CCDC178: variants seen among roughly 807,000 people sequenced by gnomAD.
CCDC178 encodes coiled-coil domain-containing protein 178.
Under a neutral mutation model 117.4 loss-of-function variants are expected in CCDC178, and 126 were observed. The observed-to-expected ratio is 1.07, with a 90% CI of 0.93 to 1.24. The LOEUF (loss-of-function observed/expected upper bound fraction) is 1.24. CCDC178 is among the 50% of genes most tolerant of loss of function. CCDC178 has a pLI of 0.00. For synonymous variants in CCDC178, 283 were observed against 313.4 expected (o/e 0.90, Z 1.02); for missense variants, 1,030 against 986.9 (o/e 1.04, Z -0.59).
At chr18:33,174,945 C>T (rs2058646113) in intron 20 of CCDC178, among the ~76,000 whole-genome samples, 1 of 152,126 alleles carries the variant, frequency 6.6e-6, no homozygotes, top group African/African-American at 2.4e-5. Flanking sequence ...ACCTCTGCCT[C>T]CCAGGTTCAA....
chr18:32,998,344 C>T (rs1047871985), intron 21 of CCDC178, among the ~76,000 whole-genome samples: 5 of 152,108 alleles, frequency 3.3e-5, no homozygotes, highest in African/African-American at 7.2e-5. Context: ...CAGCAAGCCT[C>T]GCCACTGTGG....
chr18:32,948,306 A>C (rs1463097388), intron 22 of CCDC178, among the ~76,000 whole-genome samples: 2 of 152,104 alleles, frequency 1.3e-5, no homozygotes, highest in Non-Finnish European at 2.9e-5. Flanking sequence ...GCACTTTAAC[A>C]ATATTGAGTC....
chr18:32,954,076 C>T (rs550014088), intron 22 of CCDC178: 3 of 152,220 alleles, frequency 2.0e-5, no homozygotes, highest in South Asian at 2.1e-4. Flanking sequence ...TAAAAATGCA[C>T]TGACTCTTGG....
chr18:33,177,097 A>G (rs1214950038), intron 20 of CCDC178, among the ~76,000 whole-genome samples: 3 of 152,154 alleles, frequency 2.0e-5, no homozygotes, highest in African/African-American at 7.2e-5. Flanking sequence ...CAGCAAACCA[A>G]CACAGGAACA....
intron 20 of CCDC178, among the ~76,000 whole-genome samples, chr18:33,168,457 A>G (rs1223959030): frequency 2.0e-5 from 3 of 152,164 alleles, no homozygotes; most frequent in African/African-American, 7.2e-5. Context: ...CTGTCTTTGT[A>G]GCAGTAGAGA....
At chr18:33,033,162 A>G (rs932933732) in intron 21 of CCDC178, among the ~76,000 whole-genome samples, 4 of 152,094 alleles carry the variant, frequency 2.6e-5, no homozygotes, top group African/African-American at 9.7e-5. Context: ...AAATAAAAGA[A>G]TTGTATCACT....
At chr18:33,357,121 C>G in intron 6 of CCDC178, among the ~76,000 whole-genome samples, 1 of 152,148 alleles carries the variant, frequency 6.6e-6, no homozygotes, top group East Asian at 1.9e-4. Flanking sequence ...AGATGTCCCA[C>G]CTTTCCAGGC....
intron 4 of CCDC178, 110 bp from the exon 5 acceptor site, chr18:33,389,739 G>T: frequency 7.3e-6 from 3 of 412,710 alleles, no homozygotes; most frequent in Non-Finnish European, 8.7e-6. Context: ...CTCCTTAAAA[G>T]AAAAACAACT....
At chr18:33,387,186 C>T (rs963649380) in intron 5 of CCDC178, among the ~76,000 whole-genome samples, 3 of 152,052 alleles carry the variant, frequency 2.0e-5, no homozygotes, top group African/African-American at 7.2e-5. Context: ...TACTACAAAC[C>T]ACTGCTCAAG....
At chr18:33,413,398 CA>C (rs2063886627) in intron 2 of CCDC178, among the ~76,000 whole-genome samples, 1 of 151,862 alleles carries the variant, frequency 6.6e-6, no homozygotes, top group African/African-American at 2.4e-5. Flanking sequence ...TGGACATTAA[CA>C]TTTTTTAATT....
At chr18:33,265,456 C>T (rs995911171) in intron 14 of CCDC178, among the ~76,000 whole-genome samples, 1 of 151,922 alleles carries the variant, frequency 6.6e-6, no homozygotes, top group Non-Finnish European at 1.5e-5. Flanking sequence ...TTGAATTTCA[C>T]AGGATAGTCA....
intron 3 of CCDC178, among the ~76,000 whole-genome samples, chr18:33,403,031 C>T (rs1160487809): frequency 6.6e-6 from 1 of 152,200 alleles, no homozygotes; most frequent in Non-Finnish European, 1.5e-5. Context: ...ACTTCAGTCT[C>T]ATCTCTCACC....
chr18:33,162,586 C>T (rs1042387070), intron 20 of CCDC178, among the ~76,000 whole-genome samples: 1 of 152,160 alleles, frequency 6.6e-6, no homozygotes, highest in African/African-American at 2.4e-5. Flanking sequence ...CTCCTCCAAA[C>T]ATCCACCCTC....
intron 5 of CCDC178, among the ~76,000 whole-genome samples, chr18:33,379,607 A>G (rs553096103): frequency 1.3e-5 from 2 of 152,212 alleles, no homozygotes; most frequent in Admixed American, 6.5e-5. Context: ...AGGTACCCAG[A>G]GGTGTGCCTA....
chr18:33,055,579 TC>T (rs2056816694), intron 21 of CCDC178, among the ~76,000 whole-genome samples: 1 of 152,156 alleles, frequency 6.6e-6, no homozygotes, highest in African/African-American at 2.4e-5. Flanking sequence ...TCGTCCTGAC[TC>T]AGTCTCCCAA....
At chr18:33,228,508 C>G (rs2059334493) in intron 15 of CCDC178, among the ~76,000 whole-genome samples, 1 of 152,188 alleles carries the variant, frequency 6.6e-6, no homozygotes, top group African/African-American at 2.4e-5. Flanking sequence ...GAATAAGACA[C>G]TTGTATTTCT....
At chr18:33,324,557 C>T (rs928634581) in intron 10 of CCDC178, among the ~76,000 whole-genome samples, 1 of 151,844 alleles carries the variant, frequency 6.6e-6, no homozygotes, top group African/African-American at 2.4e-5. Flanking sequence ...AGAAGAAAGC[C>T]TATGTTCCAA....
intron 22 of CCDC178, among the ~76,000 whole-genome samples, chr18:32,965,848 T>C (rs2054801249): frequency 6.6e-6 from 1 of 150,694 alleles, no homozygotes; most frequent in South Asian, 2.1e-4. Flanking sequence ...TTTGGCATTT[T>C]TTCATATATC....
intron 20 of CCDC178, among the ~76,000 whole-genome samples, chr18:33,159,522 C>T (rs2058439005): frequency 6.6e-6 from 1 of 152,072 alleles, no homozygotes; most frequent in African/African-American, 2.4e-5. Flanking sequence ...TGGCTAGTAG[C>T]CCCAAATCAC....
Sources: gnomAD v4.1 joint callset for allele counts (sites outside exome capture counted in the v4.1 genomes callset) on GRCh38, gnomAD v4.1.1 for gene constraint, MANE v1.5 for transcripts, NCBI Gene and HGNC (gene_info 2026-07-23, HGNC 2026-07-21) for gene names.